RALY: variants seen among roughly 807,000 people sequenced by gnomAD.
RALY encodes the protein RALY heterogeneous nuclear ribonucleoprotein.
RALY carries 15 observed loss-of-function variants against 30.7 expected under a neutral mutation model. That is an observed-to-expected ratio of 0.49 (90% CI 0.33 to 0.75). RALY has a LOEUF of 0.75. Ranked by LOEUF, RALY falls within the 30% of genes least tolerant of loss-of-function variation. The pLI is 0.02. For synonymous variants in RALY, 177 were observed against 170.8 expected (o/e 1.04, Z -0.28); for missense variants, 339 against 414.3 (o/e 0.82, Z 1.58).
chr20:34,048,328 G>A (rs973432909), intron 2 of RALY, among the ~76,000 whole-genome samples: 1 of 152,046 alleles, frequency 6.6e-6, no homozygotes, highest in African/African-American at 2.4e-5. Context: ...TGAGAGTGTT[G>A]GGTCTCCTAT....
At chr20:34,001,260 G>A (rs1243082848) in intron 1 of RALY, among the ~76,000 whole-genome samples, 1 of 151,880 alleles carries the variant, frequency 6.6e-6, no homozygotes, top group African/African-American at 2.4e-5. Flanking sequence ...ACATAATAAA[G>A]GAAAAATAAA....
At chr20:33,999,756 G>A (rs1215321992) in intron 1 of RALY, among the ~76,000 whole-genome samples, 2 of 152,104 alleles carry the variant, frequency 1.3e-5, no homozygotes, top group African/African-American at 4.8e-5. Flanking sequence ...GGTGGATGGG[G>A]CAGGGCAGGG....
At chr20:34,028,367 G>T (rs1305850892) in intron 1 of RALY, among the ~76,000 whole-genome samples, 1 of 151,948 alleles carries the variant, frequency 6.6e-6, no homozygotes, top group African/African-American at 2.4e-5. Context: ...GGAAGAAGGG[G>T]AACAGGGGTA....
intron 5 of RALY, 118 bp downstream of exon 5, chr20:34,073,984 G>A: frequency 8.4e-7 from 1 of 1,186,762 alleles, no homozygotes; most frequent in Non-Finnish European, 1.2e-6. Flanking sequence ...AGGTTTGCCT[G>A]GGGTTGCTCC....
intron 2 of RALY, among the ~76,000 whole-genome samples, chr20:34,063,217 A>G (rs117184693): frequency 6.6e-6 from 1 of 152,226 alleles, no homozygotes; most frequent in Non-Finnish European, 1.5e-5. Context: ...TAAGTACTCC[A>G]CAAGTATTGA....
intron 2 of RALY, among the ~76,000 whole-genome samples, chr20:34,039,932 G>A (rs1012033890): frequency 6.6e-6 from 1 of 152,164 alleles, no homozygotes; most frequent in Non-Finnish European, 1.5e-5. Flanking sequence ...CCAACGTGGT[G>A]AAACCCCGTC....
rs769847269 is a variant in RALY at position 34,076,070 on chromosome 20, T to C, written c.544+30T>C. On this transcript the variant is annotated intron_variant, in intron 6 of 9. Transcript: ENST00000246194. ...GTGACTGTATCATATTCCTAAGTAATTTGCATTTTTATCATTAGCAAAATA... is the reference window on the plus strand; with the variant it reads ...GTGACTGTATCATATTCCTAAGTAACTTGCATTTTTATCATTAGCAAAATA... The C allele has an allele frequency of 3.0e-5, 47 of 1,583,212 alleles. No homozygotes were observed. In the East Asian group the frequency reaches 1.0e-3, roughly 34 times the overall value.
chr20:33,996,352 G>A (rs2030629638), intron 1 of RALY, among the ~76,000 whole-genome samples: 1 of 152,144 alleles, frequency 6.6e-6, no homozygotes, highest in Admixed American at 6.5e-5. Context: ...TAAGAAAATG[G>A]CTATGAAAGT....
At chr20:34,031,776 A>G (rs2032288297) in intron 2 of RALY, among the ~76,000 whole-genome samples, 172 bp downstream of exon 2, 1 of 152,224 alleles carries the variant, frequency 6.6e-6, no homozygotes, top group South Asian at 2.1e-4. Context: ...GGGAGGGTTG[A>G]GACTGCTCTC....
At position 34,077,116 on chromosome 20, in the gene RALY, C is replaced by T. The variant is rs777091955; in HGVS notation, c.747C>T (p.Gly249=). 9.5e-5 allele frequency: 152 copies of T among 1,603,486 alleles called. No homozygotes were observed. Among genetic ancestry groups the T allele is most frequent in the South Asian group, 4.9e-4 (44 of 90,432 alleles). The stretch of plus-strand genomic sequence containing the variant: ...GCGGTGGCAGTGGTGGTGGCGGTGG[C>T]GGTGGCAGCAGCCGGCCACCAGCCC... The part of the protein sequence containing the change: ...SGGGGSGGGG[G]GGSSRPPAPQ... Residue 249 remains glycine (G), a synonymous_variant, in exon 8 of 10, where the codon GGC becomes GGT. Transcript: ENST00000246194.
At position 34,037,629 on chromosome 20, in the gene RALY, G is replaced by A. The variant is rs1479717226; in HGVS notation, c.-10+6025G>A. Among the ~76,000 whole-genome samples, 5 of 152,142 alleles carry A rather than the reference G, an allele frequency of 3.3e-5. 1 individual carries two copies. Among genetic ancestry groups the A allele is most frequent in the South Asian group, 4.1e-4 (2 of 4,824 alleles). On this transcript the variant is annotated intron_variant, in intron 2 of 9. Transcript: ENST00000246194. The stretch of plus-strand genomic sequence containing the variant: ...TTTAGTTTCCTCATCTATAAACAAG[G>A]AATAATAGTTTCTACCCAGCGTACT...
At chr20:34,023,810 C>CT (rs1248716427) in intron 1 of RALY, among the ~76,000 whole-genome samples, 1 of 151,926 alleles carries the variant, frequency 6.6e-6, no homozygotes, top group East Asian at 1.9e-4. Context: ...CTCACTCAGA[C>CT]TTAATACAGT....
rs2033622534 is a variant in RALY at position 34,067,891 on chromosome 20, C to G, written c.-9-4175C>G. Among the ~76,000 whole-genome samples the G allele has an allele frequency of 3.3e-5, 5 of 151,150 alleles. No individual in the cohort carries two copies. The South Asian group carries it at 1.0e-3, about 32-fold the overall frequency. Reference sequence around the variant, plus strand: ...CCTGGGGGCCTGTCTCTTACCAGCCCCAAATGAAAAATGGAATATAAGGAC... The same window carrying G: ...CCTGGGGGCCTGTCTCTTACCAGCCGCAAATGAAAAATGGAATATAAGGAC... On this transcript the variant is annotated intron_variant, in intron 2 of 9. Transcript: ENST00000246194.
In RALY at chr20:34,081,948, A is replaced by G. The variant is rs561343600; in HGVS notation, c.*2043A>G. 2 of 152,558 alleles carry G rather than the reference A, an allele frequency of 1.3e-5. No individual in the cohort carries two copies. Among genetic ancestry groups the G allele is most frequent in the South Asian group, 4.1e-4 (2 of 4,828 alleles). 9.5% of individuals were successfully genotyped at this position (152,558 alleles called of 1,614,324 possible). The stretch of plus-strand genomic sequence containing the variant: ...GCAGGGAGAGAGTAGAGATTTGTCA[A>G]GAGCCCATGGTGGAGGCTGAGGCCC... On this transcript the variant is annotated 3_prime_UTR_variant, in exon 10 of 10. Coordinates refer to ENST00000246194, the MANE Select transcript of RALY (RefSeq NM_016732.3).
chr20:34,050,414 C>T (rs1349923514), intron 2 of RALY, among the ~76,000 whole-genome samples: 1 of 152,232 alleles, frequency 6.6e-6, no homozygotes, highest in Non-Finnish European at 1.5e-5. Context: ...GTATTATTTA[C>T]TTCTCTGTCC....
rs539244431 is a variant in RALY at position 34,031,055 on chromosome 20, C to A, written c.-92-467C>A. On this transcript the variant is annotated intron_variant, in intron 1 of 9. Transcript: ENST00000246194. ...CCCCTTCCCTCCCCTTCCTCCCCCC[C>A]TTTTTTTGAGATGGATTCTCACTCT... 7.6e-3 allele frequency among the ~76,000 whole-genome samples: 965 copies of A among 126,852 alleles called. 3 individuals are homozygous for A. Among genetic ancestry groups the A allele is most frequent in the Non-Finnish European group, 0.012 (721 of 61,466 alleles). 83.2% of individuals were successfully genotyped at this position (126,852 alleles called of 152,430 possible).
In RALY at chr20:34,077,089, T is replaced by C. The variant is rs764081422; in HGVS notation, c.720T>C (p.Gly240=). ...GCGGCGGCGGTGGTGGTGGCAGCGG[T>C]GGCGGTGGCAGTGGTGGTGGCGGTG... is the stretch of plus-strand genomic sequence containing the variant. The part of the protein sequence containing the change: ...AGGGGGGGGS[G]GGGSGGGGGG... The change falls in exon 8 of 10, where the codon GGT becomes GGC. Residue 240 remains glycine (G), a synonymous_variant. Transcript: ENST00000246194. 2 of 1,604,094 alleles carry C rather than the reference T, an allele frequency of 1.2e-6. No homozygotes were observed. The highest frequency in any genetic ancestry group is 2.2e-5 in the East Asian group (1 of 44,648).
chr20:33,996,034 G>T (rs914736584), intron 1 of RALY, among the ~76,000 whole-genome samples: 1 of 152,164 alleles, frequency 6.6e-6, no homozygotes, highest in African/African-American at 2.4e-5. Flanking sequence ...ACTAGTTCTC[G>T]TAAGTCACCA....
Position 34,020,242 on chromosome 20 carries a change from A to G in RALY, c.-92-11280A>G, listed in dbSNP as rs368394434. Among the ~76,000 whole-genome samples the G allele has an allele frequency of 3.1e-4, 47 of 152,362 alleles. No homozygotes were observed. In the South Asian group the frequency reaches 9.3e-3, roughly 30 times the overall value. On this transcript the variant is annotated intron_variant, in intron 1 of 9. Transcript: ENST00000246194. ...AGATTACCTGGGAAGGAGGCTAGTCAGGGAACATGAGGAAGGATTAACTCC... is the reference window on the plus strand; with the variant it reads ...AGATTACCTGGGAAGGAGGCTAGTCGGGGAACATGAGGAAGGATTAACTCC...
Sources: gnomAD v4.1 joint callset for allele counts (sites outside exome capture counted in the v4.1 genomes callset) on GRCh38, gnomAD v4.1.1 for gene constraint, MANE v1.5 for transcripts, NCBI Gene and HGNC (gene_info 2026-07-23, HGNC 2026-07-21) for gene names.